The following IPCEF1 variants were observed in gnomAD, a reference collection of about 807,000 sequenced individuals.
The protein encoded by IPCEF1 is interaction protein for cytohesin exchange factors 1.
Under a neutral mutation model 50.9 loss-of-function variants are expected in IPCEF1, and 31 were observed. That is an observed-to-expected ratio of 0.61 (90% CI 0.46 to 0.82). The LOEUF (loss-of-function observed/expected upper bound fraction) is 0.82. IPCEF1 is among the 40% of genes least tolerant of loss of function. The pLI, the probability that IPCEF1 is intolerant of heterozygous loss-of-function variation, is 0.00. For missense variants in IPCEF1, 458 were observed against 514.0 expected, an observed-to-expected ratio of 0.89 and a Z score of 1.05; for synonymous variants, 181 against 192.0, an observed-to-expected ratio of 0.94 and a Z score of 0.47.
chr6:154,300,140 A>T (rs12196124), intron 1 of IPCEF1, among the ~76,000 whole-genome samples: 13,706 of 141,614 alleles, frequency 0.097, 3,056 homozygotes, highest in Non-Finnish European at 0.15. Context: ...TTACAACTTC[A>T]TGAAAGCTGA....
chr6:154,287,298 GC>G (rs1782388344), intron 2 of IPCEF1, among the ~76,000 whole-genome samples: 1 of 151,866 alleles, frequency 6.6e-6, no homozygotes, highest in Non-Finnish European at 1.5e-5. Flanking sequence ...GGAACTATGG[GC>G]CAATTAAACC....
At position 154,168,365 on chromosome 6, in the gene IPCEF1, G is replaced by T. The variant is rs1157894869; in HGVS notation, c.911-252C>A. ...CAAGCCTCTCTCCTGGCTTCAAGTG[G>T]TTTTTTGGTTTGTGGCAGTATAACT... On this transcript the variant is annotated intron_variant, in intron 10 of 11. Transcript: ENST00000367220. The surrounding 1 kb of genome is among the most constrained non-coding windows in gnomAD (Gnocchi z 4.1). Among the ~76,000 whole-genome samples, 1 of 152,088 alleles carries T rather than the reference G, an allele frequency of 6.6e-6. No homozygotes were observed. The highest frequency in any genetic ancestry group is 1.5e-5 in the Non-Finnish European group (1 of 68,026).
intron 3 of IPCEF1, among the ~76,000 whole-genome samples, chr6:154,262,201 T>C (rs1187885343): frequency 6.6e-6 from 1 of 151,018 alleles, no homozygotes; most frequent in Non-Finnish European, 1.5e-5. Flanking sequence ...ACTCTAGGAG[T>C]GGAGATGGCT....
At chr6:154,281,237 C>T (rs62435674) in intron 2 of IPCEF1, among the ~76,000 whole-genome samples, 1 of 149,738 alleles carries the variant, frequency 6.7e-6, no homozygotes, top group South Asian at 2.1e-4. Flanking sequence ...TCTGTAATCC[C>T]AGCTACTTGG....
rs1258397856 is a variant in IPCEF1, at chr6:154,159,275, T to C, written c.*553A>G. 2 of 158,438 alleles carry C rather than the reference T, an allele frequency of 1.3e-5. No homozygotes were observed. The highest frequency in any genetic ancestry group is 4.8e-5 in the African/African-American group (2 of 41,490). 9.8% of individuals were successfully genotyped at this position (158,438 alleles called of 1,614,324 possible). A position where few individuals can be genotyped will look rare whatever the true frequency, so the allele number is the denominator to read the frequency against. On this transcript the variant is annotated 3_prime_UTR_variant, in exon 12 of 12. Transcript: ENST00000367220. ...CCCACATGCCACTGTCTATGAAGCA[T>C]TTCTCATCACATGGAAAAGGCACCA...
Position 154,247,451 on chromosome 6 carries a change from T to A in IPCEF1, c.74A>T (p.Gln25Leu). 6.2e-7 allele frequency: 1 copy of A among 1,612,006 alleles called. No individual in the cohort carries two copies. Among genetic ancestry groups the A allele is most frequent in the Non-Finnish European group, 8.5e-7 (1 of 1,178,420 alleles). ...PLRQKPRRKT[Q>L]GFLTMSRRRI... ...AGAAACAAAAGAGATCTAATTACCT[T>A]GAGTTTTCCTCCTGGGCTTCTGACG... is the stretch of plus-strand genomic sequence containing the variant. Residue 25 changes from glutamine to leucine, a missense_variant and splice_region_variant, in exon 4 of 12, where the codon CAA becomes CTA. Gln to Leu is a moderately radical substitution (Grantham distance 113, BLOSUM62 -2). Transcript: ENST00000367220.
At chr6:154,207,250 G>C (rs1202643239) in intron 9 of IPCEF1, among the ~76,000 whole-genome samples, 1 of 152,206 alleles carries the variant, frequency 6.6e-6, no homozygotes, top group Non-Finnish European at 1.5e-5. Context: ...GTTAAAGCCA[G>C]AGGCAAAAAT....
At chr6:154,263,062 C>T (rs569091004) in intron 3 of IPCEF1, among the ~76,000 whole-genome samples, 1 of 152,142 alleles carries the variant, frequency 6.6e-6, no homozygotes, top group East Asian at 1.9e-4. Context: ...GCATGAGCCA[C>T]CATGCCCAGC....
chr6:154,294,818 C>T (rs946332803), intron 1 of IPCEF1, among the ~76,000 whole-genome samples: 9 of 152,026 alleles, frequency 5.9e-5, no homozygotes, highest in African/African-American at 2.2e-4. Flanking sequence ...GGAGAAAGTC[C>T]TACACCACCA....
intron 1 of IPCEF1, among the ~76,000 whole-genome samples, chr6:154,336,952 T>G (rs917232137): frequency 6.6e-6 from 1 of 152,132 alleles, no homozygotes; most frequent in African/African-American, 2.4e-5. Context: ...TGACTATAGT[T>G]AATAACATTG....
intron 2 of IPCEF1, among the ~76,000 whole-genome samples, chr6:154,270,317 G>A (rs185795202): frequency 1.3e-5 from 2 of 152,258 alleles, no homozygotes; most frequent in Non-Finnish European, 2.9e-5. Context: ...ATCCTTGGAA[G>A]GAGTTCAAAA....
chr6:154,285,670 A>G (rs1782341566), intron 2 of IPCEF1, among the ~76,000 whole-genome samples: 1 of 152,184 alleles, frequency 6.6e-6, no homozygotes, highest in Non-Finnish European at 1.5e-5. Context: ...TATTTTGCAC[A>G]CATATGCACA....
chr6:154,265,032 C>G (rs1436949425), intron 3 of IPCEF1, among the ~76,000 whole-genome samples: 1 of 152,206 alleles, frequency 6.6e-6, no homozygotes, highest in Admixed American at 6.5e-5. Flanking sequence ...TCCTCAAACT[C>G]TGACCTATAC....
intron 10 of IPCEF1, among the ~76,000 whole-genome samples, chr6:154,188,779 C>G (rs1005843537): frequency 2.0e-5 from 3 of 152,080 alleles, no homozygotes; most frequent in Admixed American, 1.3e-4. Context: ...ATGGCGTGTA[C>G]AGAAATGATA....
chr6:154,286,326 T>C (rs13214751), intron 2 of IPCEF1, among the ~76,000 whole-genome samples: 12,776 of 152,296 alleles, frequency 0.084, 944 homozygotes, highest in African/African-American at 0.2. Flanking sequence ...CAAACCTGCA[T>C]GTTCTGCACG....
At chr6:154,262,859 C>A (rs542163493) in intron 3 of IPCEF1, among the ~76,000 whole-genome samples, 1 of 151,134 alleles carries the variant, frequency 6.6e-6, no homozygotes, top group African/African-American at 2.4e-5. Context: ...TCCCTGCAAC[C>A]TCCACCTCCC....
chr6:154,346,706 C>G (rs1056970500), intron 1 of IPCEF1, among the ~76,000 whole-genome samples: 12 of 152,164 alleles, frequency 7.9e-5, no homozygotes, highest in African/African-American at 2.7e-4. Context: ...GAGAGAAGTG[C>G]AGAGCAAAGC....
intron 2 of IPCEF1, among the ~76,000 whole-genome samples, chr6:154,270,180 A>G (rs1289395371): frequency 6.6e-6 from 1 of 152,222 alleles, no homozygotes. Flanking sequence ...CAGGGTAACA[A>G]AACACTTTTG....
At chr6:154,247,747 G>T in intron 3 of IPCEF1, 1 of 380,220 alleles carries the variant, frequency 2.6e-6, no homozygotes, top group Non-Finnish European at 4.7e-6. Context: ...CCACCCACAA[G>T]CCGCTCTCAC....
Sources: gnomAD v4.1 joint callset for allele counts (sites outside exome capture counted in the v4.1 genomes callset) on GRCh38, gnomAD v4.1.1 for gene constraint, Gnocchi (gnomAD v3.1) non-coding constraint, MANE v1.5 for transcripts, NCBI Gene and HGNC (gene_info 2026-07-23, HGNC 2026-07-21) for gene names.